Variants in PDXDC1 observed in about 807,000 individuals in gnomAD.
PDXDC1 encodes pyridoxal dependent decarboxylase domain containing 1.
A neutral mutation model predicts 100.1 loss-of-function variants in PDXDC1; 42 were observed. The ratio of observed to expected loss-of-function variants is 0.42; its 90% confidence interval spans 0.33 to 0.54. The LOEUF (loss-of-function observed/expected upper bound fraction) is 0.54. PDXDC1 is among the 20% of genes least tolerant of loss of function. The pLI is 0.10. For synonymous variants in PDXDC1, 260 were observed against 371.7 expected (o/e 0.70, Z 3.46); for missense variants, 636 against 979.2 (o/e 0.65, Z 4.68).
chr16:15,045,761 T>A (rs958742617), intron 16 of PDXDC1: 2 of 152,264 alleles, frequency 1.3e-5, no homozygotes, highest in Non-Finnish European at 2.9e-5. Flanking sequence ...CCCACACTCA[T>A]CTACTAACCC....
At chr16:15,144,827 G>A in the PDXDC1 span, among the ~76,000 whole-genome samples, 4 of 152,194 alleles carry the variant, frequency 2.6e-5, no homozygotes, top group South Asian at 8.3e-4. Context: ...CTCAAAAAGG[G>A]CCGTTTGGAG....
At chr16:15,091,263 T>C in intron 16 of PDXDC1, 5 of 1,603,144 alleles carry the variant, frequency 3.1e-6, no homozygotes, top group Admixed American at 1.7e-5. Context: ...GCAAACTATG[T>C]CTGTATACAG....
At chr16:15,052,349 A>G (rs1048271658) in intron 16 of PDXDC1, among the ~76,000 whole-genome samples, 4 of 152,242 alleles carry the variant, frequency 2.6e-5, no homozygotes, top group Non-Finnish European at 5.9e-5. Context: ...TTCTTGGCCT[A>G]TAGGCTATAC....
intron 16 of PDXDC1, chr16:15,137,528 A>G: frequency 9.1e-7 from 1 of 1,104,698 alleles, no homozygotes; most frequent in Non-Finnish European, 1.3e-6. Context: ...GAGGCAGGCG[A>G]CATACTCCTC....
chr16:15,085,002 G>C (rs1372882562), intron 16 of PDXDC1, among the ~76,000 whole-genome samples: 1 of 151,462 alleles, frequency 6.6e-6, no homozygotes, highest in African/African-American at 2.4e-5. Flanking sequence ...GGAGGTGAAG[G>C]CTGCAGCGAA....
chr16:15,135,773 G>A, intron 16 of PDXDC1: 5 of 1,596,490 alleles, frequency 3.1e-6, no homozygotes, highest in Admixed American at 3.3e-5. Context: ...CACGCGGTAT[G>A]AGCCACCCTC....
rs1264352393 is a variant in PDXDC1, at chr16:15,089,107, A to C, written c.1400-49772A>C. ...CACTTGAGGTCAGGAGTTCGAGAGC[A>C]GCCTGGCCAGCATGGTGAAACCCCA... On this transcript the variant is annotated intron_variant, in intron 16 of 16. Transcript: ENST00000535621. Among the ~76,000 whole-genome samples, 6 of 152,088 alleles carry C rather than the reference A, an allele frequency of 3.9e-5. No homozygotes were observed. In the South Asian group the frequency reaches 1.0e-3, roughly 26 times the overall value.
At chr16:14,989,278 T>G (rs1597324391) in intron 1 of PDXDC1, 8 of 1,613,320 alleles carry the variant, frequency 5.0e-6, no homozygotes, top group Non-Finnish European at 6.8e-6. Flanking sequence ...TGGGGGATAA[T>G]GGGGCCAGAG....
intron 3 of PDXDC1, among the ~76,000 whole-genome samples, chr16:14,999,371 A>G (rs1249875843): frequency 6.6e-6 from 1 of 151,930 alleles, no homozygotes; most frequent in Non-Finnish European, 1.5e-5. Flanking sequence ...CTGGCCAAAA[A>G]TTTTTTAGAA....
intron 16 of PDXDC1, among the ~76,000 whole-genome samples, chr16:15,084,252 T>C (rs1597976476): frequency 6.6e-6 from 1 of 152,186 alleles, no homozygotes; most frequent in East Asian, 1.9e-4. Context: ...CAGAGGGAAC[T>C]AGAGGTCCAC....
intron 16 of PDXDC1, among the ~76,000 whole-genome samples, chr16:15,078,623 G>C (rs929483721): frequency 1.3e-5 from 2 of 152,024 alleles, no homozygotes; most frequent in African/African-American, 4.8e-5. Context: ...CCAGGCTCTT[G>C]GTTTTCCCCA....
At chr16:15,077,163 G>C (rs1256435766) in intron 16 of PDXDC1, among the ~76,000 whole-genome samples, 1 of 151,650 alleles carries the variant, frequency 6.6e-6, no homozygotes, top group South Asian at 2.1e-4. Context: ...ATTTTTAGTA[G>C]AGATGGGGTT....
intron 16 of PDXDC1, chr16:15,094,172 A>T (rs767852543): frequency 1.2e-6 from 2 of 1,602,288 alleles, no homozygotes; most frequent in South Asian, 2.3e-5. Flanking sequence ...CAGCTTCTTA[A>T]CTGCAGAGGA....
At chr16:15,062,413 A>C (rs1013428498) in intron 16 of PDXDC1, among the ~76,000 whole-genome samples, 1 of 152,218 alleles carries the variant, frequency 6.6e-6, no homozygotes, top group African/African-American at 2.4e-5. Flanking sequence ...TCCAATGATT[A>C]CTTATTAAAA....
rs117813076 is a variant in PDXDC1 at position 15,101,121 on chromosome 16, C to T, written c.1400-37758C>T. Reference sequence around the variant, plus strand: ...ACTTTTTGAGCTATTTTAGAGCTATCGTAAGGATTAGAGCACATAACCACA... The same window carrying T: ...ACTTTTTGAGCTATTTTAGAGCTATTGTAAGGATTAGAGCACATAACCACA... On this transcript the variant is annotated intron_variant, in intron 16 of 16. Transcript: ENST00000535621. 3.0e-3 allele frequency among the ~76,000 whole-genome samples: 457 copies of T among 152,260 alleles called. 10 individuals are homozygous for T. In the East Asian group the frequency reaches 0.062, roughly 21 times the overall value.
At position 15,119,457 on chromosome 16, in the gene PDXDC1, C is replaced by T. The variant is rs532648921; in HGVS notation, c.1400-19422C>T. On this transcript the variant is annotated intron_variant, in intron 16 of 16. Coordinates refer to the PDXDC1 transcript ENST00000535621. ...GAGACAGAGTTCTGCTCCACTCAGT[C>T]GCCCAGGCTGGAGTGCAGTGGTGCA... Among the ~76,000 whole-genome samples the T allele has an allele frequency of 8.4e-3, 1,215 of 145,140 alleles. 25 individuals are homozygous for T. The highest frequency in any genetic ancestry group is 0.029 in the African/African-American group (1,137 of 39,678).
At position 14,997,762 on chromosome 16, in the gene PDXDC1, C is replaced by A. The variant is rs1209840635; in HGVS notation, c.31C>A (p.Pro11Thr). Reference sequence around the variant, plus strand: ...TTTTTTTGTTTCCCAGATAGCAGACCCCACGTTAGCTGAAATGGGAAAAAA... The same window carrying A: ...TTTTTTTGTTTCCCAGATAGCAGACACCACGTTAGCTGAAATGGGAAAAAA... MDASLEKIAD[P>T]TLAEMGKNLK... The change falls in exon 2 of 23, where the codon CCC becomes ACC. Residue 11 changes from proline to threonine, a missense_variant. Around this residue, in one of 4 missense-constraint regions of PDXDC1, gnomAD observed 125 missense variants for 479.9 expected, o/e 0.26. Coordinates refer to ENST00000396410, the MANE Select transcript of PDXDC1 (RefSeq NM_015027.4). 1.2e-6 allele frequency: 2 copies of A among 1,610,146 alleles called. No homozygotes were observed. Among genetic ancestry groups the A allele is most frequent in the South Asian group, 2.2e-5 (2 of 90,198 alleles).
intron 16 of PDXDC1, chr16:15,137,298 TG>T: frequency 2.0e-6 from 2 of 1,024,116 alleles, no homozygotes; most frequent in South Asian, 1.4e-5. Context: ...CCCCTACAGG[TG>T]GGGGCAGGAG....
intron 16 of PDXDC1, among the ~76,000 whole-genome samples, chr16:15,123,006 G>A (rs1333368102): frequency 7.3e-5 from 11 of 150,814 alleles, no homozygotes; most frequent in Non-Finnish European, 1.3e-4. Context: ...TACAGGTCAC[G>A]GAGAAGATCA....
Sources: gnomAD v4.1 joint callset for allele counts (sites outside exome capture counted in the v4.1 genomes callset) on GRCh38, gnomAD v4.1.1 for gene constraint, gnomAD v4.1.1 regional missense constraint, MANE v1.5 for transcripts, NCBI Gene and HGNC (gene_info 2026-07-23, HGNC 2026-07-21) for gene names.